The following ZMYND11 variants were observed in gnomAD, a reference collection of about 807,000 sequenced individuals.
ZMYND11 encodes zinc finger MYND domain-containing protein 11.
ZMYND11 carries 9 observed loss-of-function variants against 84.9 expected under a neutral mutation model. The ratio of observed to expected loss-of-function variants is 0.11; its 90% CI spans 0.06 to 0.18. ZMYND11 has a LOEUF of 0.18. Ranked by LOEUF, ZMYND11 falls within the 10% of genes least tolerant of loss-of-function variation. The pLI, the probability that ZMYND11 is intolerant of heterozygous loss-of-function variation, is 1.00. For missense variants in ZMYND11, 409 were observed against 761.0 expected (o/e 0.54, Z 5.44); for synonymous variants, 250 against 244.1 (o/e 1.02, Z -0.23).
chr10:174,772 C>T (rs919315519), intron 1 of ZMYND11, among the ~76,000 whole-genome samples: 5 of 151,662 alleles, frequency 3.3e-5, no homozygotes, highest in African/African-American at 7.3e-5. Context: ...TACAGTGGCA[C>T]ATGCTTGTCA....
intron 2 of ZMYND11, among the ~76,000 whole-genome samples, chr10:186,303 G>A (rs1246562794): frequency 2.0e-5 from 3 of 151,522 alleles, no homozygotes; most frequent in Non-Finnish European, 2.9e-5. Flanking sequence ...GAGCCACCGC[G>A]CCAGGCCAGG....
At chr10:173,209 G>A (rs1564314624) in intron 1 of ZMYND11, among the ~76,000 whole-genome samples, 1 of 152,142 alleles carries the variant, frequency 6.6e-6, no homozygotes. Context: ...AGGTACAACA[G>A]CAAAGGCATG....
intron 1 of ZMYND11, chr10:148,003 G>A (rs1310955561): frequency 1.3e-5 from 2 of 152,248 alleles, no homozygotes; most frequent in South Asian, 2.1e-4. Flanking sequence ...ACCGTCCTGG[G>A]GTTATGTCTT....
chr10:209,830 A>T, intron 2 of ZMYND11, 59 bp from the exon 3 acceptor site: 1 of 1,485,448 alleles, frequency 6.7e-7, no homozygotes, highest in East Asian at 2.3e-5. Context: ...TCTTATTTTC[A>T]TTCATTTTTA....
chr10:210,086 C>A, intron 3 of ZMYND11, 38 bp downstream of exon 3: 1 of 1,598,596 alleles, frequency 6.3e-7, no homozygotes. Flanking sequence ...GAGATGTGAA[C>A]TTTTAGCTTT....
At position 135,658 on chromosome 10, in the gene ZMYND11, G is replaced by A. The variant is rs1205138285; in HGVS notation, c.-20+99G>A. 6.7e-5 allele frequency: 10 copies of A among 149,632 alleles called. No individual in the cohort carries two copies. Among genetic ancestry groups the A allele is most frequent in the African/African-American group, 2.2e-4 (9 of 40,996 alleles). 9.3% of individuals were successfully genotyped at this position (149,632 alleles called of 1,614,324 possible). On this transcript the variant is annotated intron_variant, in intron 1 of 14. Transcript: ENST00000381604. This position sits in a 1 kb window ranked among gnomAD's most constrained non-coding sequence, Gnocchi z 5.6. Reference sequence around the variant, plus strand: ...AGCCTGCCTGGCCGCGGCCTCTGGGGCGGCGGCGGCACCAGTGGGTGCTGA... The same window carrying A: ...AGCCTGCCTGGCCGCGGCCTCTGGGACGGCGGCGGCACCAGTGGGTGCTGA...
rs1028675443 is a variant in ZMYND11 at position 254,034 on chromosome 10, A to C, written c.*1564A>C. 3 of 152,410 alleles carry C rather than the reference A, an allele frequency of 2.0e-5. No individual in the cohort carries two copies. Among genetic ancestry groups the C allele is most frequent in the Non-Finnish European group, 4.4e-5 (3 of 68,050 alleles). The allele number at this position is 152,410 out of a possible 1,614,324, so 9.4% of individuals were successfully genotyped here. On this transcript the variant is annotated 3_prime_UTR_variant, in exon 15 of 15. Coordinates refer to ENST00000381604, the MANE Select transcript of ZMYND11 (RefSeq NM_001370100.5). ...CCAGTAGCCCCATTTCATACAATGT[A>C]CCTAAATTATGCAGTAACTTGGCAT...
intron 10 of ZMYND11, among the ~76,000 whole-genome samples, chr10:246,062 G>A (rs1255427059): frequency 6.6e-6 from 1 of 152,052 alleles, no homozygotes; most frequent in South Asian, 2.1e-4. Context: ...AATTTAAGCC[G>A]AGAAAGAGAC....
At chr10:180,210 A>G in intron 2 of ZMYND11, 82 bp downstream of exon 2, 2 of 995,738 alleles carry the variant, frequency 2.0e-6, no homozygotes, top group South Asian at 3.0e-5. Flanking sequence ...TTTATCTGTT[A>G]TGCTAATCAA....
chr10:242,268 C>T, intron 10 of ZMYND11, 129 bp downstream of exon 10: 1 of 1,341,960 alleles, frequency 7.5e-7, no homozygotes, highest in Non-Finnish European at 1.0e-6. Context: ...ATTATGCATC[C>T]AAGAATACGT....
chr10:219,051 G>A (rs1946679209), intron 3 of ZMYND11, among the ~76,000 whole-genome samples: 1 of 152,166 alleles, frequency 6.6e-6, no homozygotes, highest in Admixed American at 6.5e-5. Context: ...TTGGTTATAT[G>A]CCATCATATA....
At chr10:161,367 T>C (rs1842914556) in intron 1 of ZMYND11, among the ~76,000 whole-genome samples, 3 of 152,242 alleles carry the variant, frequency 2.0e-5, no homozygotes, top group Admixed American at 1.3e-4. Context: ...TTGCTCCATC[T>C]ACACAACACG....
At chr10:217,753 C>T (rs1355128856) in intron 3 of ZMYND11, among the ~76,000 whole-genome samples, 1 of 152,052 alleles carries the variant, frequency 6.6e-6, no homozygotes, top group African/African-American at 2.4e-5. Context: ...ATAGAAAAAC[C>T]GTGTAGACTG....
At chr10:151,676 C>T (rs1840408676) in intron 1 of ZMYND11, among the ~76,000 whole-genome samples, 1 of 152,132 alleles carries the variant, frequency 6.6e-6, no homozygotes, top group South Asian at 2.1e-4. Context: ...CCCAACCTAG[C>T]AAGGCAGGCC....
intron 1 of ZMYND11, among the ~76,000 whole-genome samples, chr10:147,213 C>G (rs1430075293): frequency 2.6e-5 from 4 of 152,132 alleles, no homozygotes; most frequent in African/African-American, 7.2e-5. Context: ...GTTTGACTTT[C>G]TCTTTTCCAA....
intron 11 of ZMYND11, 36 bp from the exon 12 acceptor site, chr10:247,362 G>A (rs1457792920): frequency 1.9e-6 from 3 of 1,609,058 alleles, no homozygotes; most frequent in East Asian, 2.2e-5. Flanking sequence ...ATTTTCTAGT[G>A]TCTGGAATAA....
chr10:130,502 T>C (rs1442349970), upstream of ZMYND11, among the ~76,000 whole-genome samples: 2 of 152,266 alleles, frequency 1.3e-5, no homozygotes, highest in Admixed American at 6.5e-5. Flanking sequence ...CCACTAATAC[T>C]GAAGTTATTC....
At chr10:234,705 A>C (rs1477351685) in intron 4 of ZMYND11, among the ~76,000 whole-genome samples, 1 of 152,144 alleles carries the variant, frequency 6.6e-6, no homozygotes, top group Non-Finnish European at 1.5e-5. Context: ...TTCTCCTTTT[A>C]AGAAGAATGT....
At chr10:230,551 A>G in intron 4 of ZMYND11, among the ~76,000 whole-genome samples, 1 of 151,502 alleles carries the variant, frequency 6.6e-6, no homozygotes, top group Admixed American at 6.6e-5. Flanking sequence ...GGTAAGGCTC[A>G]GGAATCTACA....
Sources: allele counts gnomAD v4.1 joint callset (sites outside exome capture counted in the v4.1 genomes callset), GRCh38; gene constraint gnomAD v4.1.1; non-coding constraint Gnocchi (gnomAD v3.1); transcripts MANE v1.5; gene names NCBI Gene and HGNC (gene_info 2026-07-23, HGNC 2026-07-21).